Variants in GDF2 observed in about 807,000 individuals in gnomAD.
The protein encoded by GDF2 is growth differentiation factor 2, also known as growth/differentiation factor 2.
In GDF2, 17 loss-of-function variants were observed where a neutral mutation model predicts 16.9. The ratio of observed to expected loss-of-function variants is 1.00; its 90% CI spans 0.69 to 1.51. GDF2 has a LOEUF of 1.51. Among genes scored for constraint, GDF2 ranks in the 40% most tolerant of loss-of-function variants. The pLI is 0.00. For missense variants in GDF2, 523 were observed against 556.3 expected (o/e 0.94, Z 0.60); for synonymous variants, 276 against 237.6 (o/e 1.16, Z -1.49).
Position 47,322,682 on chromosome 10 carries a change from C to T in GDF2, c.14C>T (p.Ala5Val), listed in dbSNP as rs200079721. 5.1e-6 allele frequency: 8 copies of T among 1,561,830 alleles called. No homozygotes were observed. Among genetic ancestry groups the T allele is most frequent in the Non-Finnish European group, 7.0e-6 (8 of 1,149,534 alleles). Residue 5 changes from alanine (A) to valine (V), a missense_variant, in exon 1 of 2, where the codon GCA becomes GTA. Physicochemically the swap from Ala to Val is moderately conservative, Grantham distance 64. Coordinates refer to ENST00000581492, the MANE Select transcript of GDF2 (RefSeq NM_016204.4). The stretch of plus-strand genomic sequence containing the variant: ...CGCGGGCCTAAGATGTGTCCTGGGG[C>T]ACTGTGGGTGGCCCTGCCCCTGCTG... Reference protein sequence around the residue: MCPGALWVALPLLSL... With the variant: MCPGVLWVALPLLSL...
rs901156636 is a variant in GDF2, at chr10:47,326,526, C to T, written c.*742C>T. On this transcript the variant is annotated 3_prime_UTR_variant, in exon 2 of 2. Transcript: ENST00000581492. The stretch of plus-strand genomic sequence containing the variant: ...GCCACTGTTGCCAGTGCTCACTCAG[C>T]GGCCACATGCTTTTTAATATGACCC... 2.0e-5 allele frequency among the ~76,000 whole-genome samples: 3 copies of T among 152,190 alleles called. No homozygotes were observed. Among genetic ancestry groups the T allele is most frequent in the African/African-American group, 4.8e-5 (2 of 41,450 alleles).
chr10:47,325,598 G>C lies in GDF2; in HGVS notation c.1104G>C (p.Val368=). ...GGCFFPLADD[V]TPTKHAIVQT... The stretch of plus-strand genomic sequence containing the variant: ...GCTTCTTCCCCTTGGCTGACGATGT[G>C]ACGCCGACGAAACACGCTATCGTGC... Residue 368 remains valine, a synonymous_variant, in exon 2 of 2, where the codon GTG becomes GTC. Transcript: ENST00000581492. 6.2e-7 allele frequency: 1 copy of C among 1,614,130 alleles called. No individual in the cohort carries two copies. The highest frequency in any genetic ancestry group is 8.5e-7 in the Non-Finnish European group (1 of 1,180,036).
intron 1 of GDF2, among the ~76,000 whole-genome samples, chr10:47,323,503 G>A (rs2061092443): frequency 6.6e-6 from 1 of 152,132 alleles, no homozygotes; most frequent in African/African-American, 2.4e-5. Flanking sequence ...AATTTTCAAA[G>A]CACATCTATT....
chr10:47,325,230 C>T lies in GDF2; in HGVS notation c.736C>T (p.Pro246Ser). 1 of 1,614,100 alleles carries T rather than the reference C, an allele frequency of 6.2e-7. No individual in the cohort carries two copies. The highest frequency in any genetic ancestry group is 8.5e-7 in the Non-Finnish European group (1 of 1,180,026). Residue 246 changes from proline to serine, a missense_variant, in exon 2 of 2, where the codon CCA (proline) becomes TCA (serine). Coordinates refer to ENST00000581492, the MANE Select transcript of GDF2 (RefSeq NM_016204.4). Reference protein sequence around the residue: ...GCDTLDISVPPGSRNLPFFVV... With the variant: ...GCDTLDISVPSGSRNLPFFVV... ...CGACACGCTGGACATCAGTGTCCCCCCAGGTTCCAGAAACCTGCCCTTCTT... is the reference window on the plus strand; with the variant it reads ...CGACACGCTGGACATCAGTGTCCCCTCAGGTTCCAGAAACCTGCCCTTCTT...
In GDF2 at chr10:47,323,017, A is replaced by G; in HGVS notation, c.346+3A>G. The G allele has an allele frequency of 6.3e-7, 1 of 1,587,160 alleles. No homozygotes were observed. On this transcript the variant is annotated splice_donor_region_variant and intron_variant, in intron 1 of 1. Transcript: ENST00000581492. ...TGTGCGGAGCTTCAGCATGGAAGGT[A>G]GGGTCTCCGCTTGCACCATGCGCGC...
At chr10:47,323,419 C>G (rs2061092141) in intron 1 of GDF2, among the ~76,000 whole-genome samples, 1 of 152,204 alleles carries the variant, frequency 6.6e-6, no homozygotes, top group Admixed American at 6.5e-5. Context: ...TTTCCCCCTT[C>G]CCTTCCTGTC....
At position 47,327,356 on chromosome 10, in the gene GDF2, A is replaced by G. The variant is rs1173675608; in HGVS notation, c.*1572A>G. 6.6e-6 allele frequency among the ~76,000 whole-genome samples: 1 copy of G among 152,150 alleles called. No homozygotes were observed. Among genetic ancestry groups the G allele is most frequent in the African/African-American group, 2.4e-5 (1 of 41,428 alleles). ...TAAGAAAAAGTGGGGGGTGGGGAAAACGTTATGTTAAATGTTTACATGGAA... is the reference window on the plus strand; with the variant it reads ...TAAGAAAAAGTGGGGGGTGGGGAAAGCGTTATGTTAAATGTTTACATGGAA... On this transcript the variant is annotated 3_prime_UTR_variant, in exon 2 of 2. Coordinates refer to ENST00000581492, the MANE Select transcript of GDF2 (RefSeq NM_016204.4).
chr10:47,325,076 C>T lies in GDF2; in HGVS notation c.582C>T (p.Ser194=). 6.2e-7 allele frequency: 1 copy of T among 1,614,050 alleles called. No homozygotes were observed. Among genetic ancestry groups the T allele is most frequent in the South Asian group, 1.1e-5 (1 of 91,072 alleles). ...SATETKTFLV[S]QDIQDEGWET... ...CAGAGACCAAGACCTTCCTGGTGTC[C>T]CAGGACATTCAGGATGAGGGCTGGG... is the stretch of plus-strand genomic sequence containing the variant. Residue 194 remains serine (S), a synonymous_variant, in exon 2 of 2, where the codon TCC becomes TCT. Transcript: ENST00000581492.
At chr10:47,324,731 G>A (rs1555208852) in intron 1 of GDF2, 110 bp from the exon 2 acceptor site, 6 of 714,762 alleles carry the variant, frequency 8.4e-6, no homozygotes, top group Non-Finnish European at 1.4e-5. Flanking sequence ...AGATAATACA[G>A]ACCAAAATTG....
rs781911497 is a variant in GDF2 at position 47,322,699 on chromosome 10, C to CCCCTGCTGT, written c.40_48dup (p.Ser14_Leu16dup). ...TCCTGGGGCACTGTGGGTGGCCCTG[C>CCCCTGCTGT]CCCTGCTGTCCCTGCTGGCTGGCTC... On this transcript the variant is annotated inframe_insertion, in exon 1 of 2. Coordinates refer to ENST00000581492, the MANE Select transcript of GDF2 (RefSeq NM_016204.4). 2.0e-4 allele frequency: 310 copies of CCCCTGCTGT among 1,584,190 alleles called. No individual in the cohort carries two copies. In the African/African-American group the frequency reaches 3.7e-3, roughly 19 times the overall value.
chr10:47,322,543 C>A lies in GDF2; in HGVS notation c.-126C>A. 1.4e-6 allele frequency: 1 copy of A among 705,098 alleles called. No individual in the cohort carries two copies. Among genetic ancestry groups the A allele is most frequent in the Non-Finnish European group, 2.3e-6 (1 of 440,210 alleles). The allele number at this position is 705,098 out of a possible 1,614,324, so 43.7% of individuals were successfully genotyped here. ...GCAGCGGGTGAGAGTGGGTGCTGGCCAGGACGGTTCCTTCAGAGCAAACAG... is the reference window on the plus strand; with the variant it reads ...GCAGCGGGTGAGAGTGGGTGCTGGCAAGGACGGTTCCTTCAGAGCAAACAG... On this transcript the variant is annotated 5_prime_UTR_variant, in exon 1 of 2. Transcript: ENST00000581492.
chr10:47,323,077 C>G, intron 1 of GDF2, 63 bp downstream of exon 1: 1 of 1,286,060 alleles, frequency 7.8e-7, no homozygotes, highest in South Asian at 1.5e-5. Flanking sequence ...GCTGCTTTCC[C>G]CAGGGTGGAG....
In GDF2 at chr10:47,322,660, G is replaced by A. The variant is rs782774065; in HGVS notation, c.-9G>A. On this transcript the variant is annotated 5_prime_UTR_variant, in exon 1 of 2. Coordinates refer to ENST00000581492, the MANE Select transcript of GDF2 (RefSeq NM_016204.4). The stretch of plus-strand genomic sequence containing the variant: ...CAGTCTCCTCTCTGGGTGATTGCGC[G>A]GGCCTAAGATGTGTCCTGGGGCACT... The A allele has an allele frequency of 9.3e-6, 14 of 1,501,726 alleles. No individual in the cohort carries two copies. Among genetic ancestry groups the A allele is most frequent in the South Asian group, 6.7e-5 (5 of 74,990 alleles). 93.0% of individuals were successfully genotyped at this position (1,501,726 alleles called of 1,614,324 possible). A position where few individuals can be genotyped will look rare whatever the true frequency, so the allele number is the denominator to read the frequency against.
At position 47,325,581 on chromosome 10, in the gene GDF2, C is replaced by T; in HGVS notation, c.1087C>T (p.Pro363Ser). The T allele has an allele frequency of 6.2e-7, 1 of 1,614,132 alleles. No individual in the cohort carries two copies. Among genetic ancestry groups the T allele is most frequent in the Non-Finnish European group, 8.5e-7 (1 of 1,180,038 alleles). ...AYECKGGCFF[P>S]LADDVTPTKH... ...CGAGTGTAAGGGCGGCTGCTTCTTC[C>T]CCTTGGCTGACGATGTGACGCCGAC... is the stretch of plus-strand genomic sequence containing the variant. The change falls in exon 2 of 2, where the codon CCC (proline) becomes TCC (serine). Residue 363 changes from proline (P) to serine (S), a missense_variant. By Grantham distance (74) the Pro-to-Ser change is moderately conservative (BLOSUM62 -1). Transcript: ENST00000581492.
chr10:47,322,740 A>G lies in GDF2; in HGVS notation c.72A>G (p.Pro24=), dbSNP rs1555208694. ...TGGCTGGCTCCCTACAGGGGAAGCC[A>G]CTGCAGAGCTGGGGACGAGGGTCTG... The part of the protein sequence containing the change: ...SLLAGSLQGK[P]LQSWGRGSAG... Residue 24 remains proline, a synonymous_variant, in exon 1 of 2, where the codon CCA becomes CCG. Coordinates refer to ENST00000581492, the MANE Select transcript of GDF2 (RefSeq NM_016204.4). 3 of 1,608,590 alleles carry G rather than the reference A, an allele frequency of 1.9e-6. No individual in the cohort carries two copies. The highest frequency in any genetic ancestry group is 1.3e-5 in the African/African-American group (1 of 74,962).
rs200870989 is a variant in GDF2 at position 47,325,199 on chromosome 10, G to A, written c.705G>A (p.Lys235=). The A allele has an allele frequency of 2.5e-6, 4 of 1,614,034 alleles. No individual in the cohort carries two copies. The highest frequency in any genetic ancestry group is 1.1e-5 in the South Asian group (1 of 91,062). The change falls in exon 2 of 2, where the codon AAG becomes AAA. Residue 235 remains lysine (K), a synonymous_variant. Coordinates refer to ENST00000581492, the MANE Select transcript of GDF2 (RefSeq NM_016204.4). The part of the protein sequence containing the change: ...KLEVTVESHR[K]GCDTLDISVP... Reference sequence around the variant, plus strand: ...AAGTGACTGTGGAGAGCCACAGGAAGGGCTGCGACACGCTGGACATCAGTG... The same window carrying A: ...AAGTGACTGTGGAGAGCCACAGGAAAGGCTGCGACACGCTGGACATCAGTG...
rs1555208957 is a variant in GDF2, at chr10:47,325,228, C to G, written c.734C>G (p.Pro245Arg). The change falls in exon 2 of 2, where the codon CCC (proline) becomes CGC (arginine). Residue 245 changes from proline to arginine, a missense_variant. By Grantham distance (103) the Pro-to-Arg change is moderately radical (BLOSUM62 -2). Transcript: ENST00000581492. ...TGCGACACGCTGGACATCAGTGTCC[C>G]CCCAGGTTCCAGAAACCTGCCCTTC... ...KGCDTLDISV[P>R]PGSRNLPFFV... 6.2e-7 allele frequency: 1 copy of G among 1,614,092 alleles called. No homozygotes were observed. The highest frequency in any genetic ancestry group is 8.5e-7 in the Non-Finnish European group (1 of 1,180,024).
rs1555209010 is a variant in GDF2 at position 47,325,320 on chromosome 10, A to G, written c.826A>G (p.Ile276Val). Residue 276 changes from isoleucine to valine, a missense_variant, in exon 2 of 2, where the codon ATC becomes GTC. Ile to Val is a conservative substitution (Grantham distance 29). Transcript: ENST00000581492. The stretch of plus-strand genomic sequence containing the variant: ...GACCAGGCTGGAGCTGAGGGAGATG[A>G]TCAGCCATGAACAAGAGAGCGTGCT... ...KETRLELREM[I>V]SHEQESVLKK... is the part of the protein sequence containing the mutation. 2 of 1,614,180 alleles carry G rather than the reference A, an allele frequency of 1.2e-6. No individual in the cohort carries two copies. Among genetic ancestry groups the G allele is most frequent in the Non-Finnish European group, 1.7e-6 (2 of 1,180,022 alleles).
chr10:47,323,558 C>T (rs1372489765), intron 1 of GDF2, among the ~76,000 whole-genome samples: 4 of 152,188 alleles, frequency 2.6e-5, no homozygotes, highest in Admixed American at 6.5e-5. Context: ...AATTCTTGGA[C>T]AGAGAAGTGT....
Sources: gnomAD v4.1 joint callset for allele counts (sites outside exome capture counted in the v4.1 genomes callset) on GRCh38, gnomAD v4.1.1 for gene constraint, MANE v1.5 for transcripts, NCBI Gene and HGNC (gene_info 2026-07-23, HGNC 2026-07-21) for gene names.